CDYL2: variants seen among roughly 807,000 people sequenced by gnomAD.
CDYL2 encodes chromodomain Y-like protein 2.
CDYL2 carries 23 observed loss-of-function variants against 49.4 expected under a neutral mutation model. That is an observed-to-expected ratio of 0.47 (90% confidence interval 0.34 to 0.66). The LOEUF is 0.66. Among genes scored for constraint, CDYL2 ranks in the 30% least tolerant of loss-of-function variants. CDYL2 has a pLI of 0.01. For missense variants in CDYL2, 678 were observed against 656.4 expected, an observed-to-expected ratio of 1.03 and a Z score of -0.36; for synonymous variants, 360 against 268.8, an observed-to-expected ratio of 1.34 and a Z score of -3.32.
At chr16:80,732,297 G>C (rs901365059) in intron 1 of CDYL2, among the ~76,000 whole-genome samples, 1 of 151,612 alleles carries the variant, frequency 6.6e-6, no homozygotes, top group Admixed American at 6.6e-5. Context: ...ACAGTTTTCT[G>C]TCTTAGTGGG....
chr16:80,660,422 G>C (rs1239958324), intron 2 of CDYL2, among the ~76,000 whole-genome samples: 2 of 151,930 alleles, frequency 1.3e-5, no homozygotes, highest in African/African-American at 4.8e-5. Context: ...GTTAGAAAAA[G>C]ATCATACTTT....
chr16:80,794,638 T>C (rs1229776481), intron 1 of CDYL2, among the ~76,000 whole-genome samples: 2 of 138,166 alleles, frequency 1.4e-5, no homozygotes, highest in African/African-American at 2.8e-5. Flanking sequence ...TGGGACAGAG[T>C]TCTGCTCTTG....
At chr16:80,798,229 G>C (rs1907825506) in intron 1 of CDYL2, among the ~76,000 whole-genome samples, 1 of 152,158 alleles carries the variant, frequency 6.6e-6, no homozygotes, top group Admixed American at 6.5e-5. Context: ...TTTTAGTAGA[G>C]ATGGGGTTTC....
Position 80,721,782 on chromosome 16 carries a change from A to G in CDYL2, c.25-36653T>C, listed in dbSNP as rs536320903. On this transcript the variant is annotated intron_variant, in intron 1 of 6. Coordinates refer to ENST00000570137, the MANE Select transcript of CDYL2 (RefSeq NM_152342.4). Reference sequence around the variant, plus strand: ...TGACCACAGGGAAGACAGAAGATACAGCTGCTCTGTCCCCTCCCCGGTGAC... The same window carrying G: ...TGACCACAGGGAAGACAGAAGATACGGCTGCTCTGTCCCCTCCCCGGTGAC... Among the ~76,000 whole-genome samples the G allele has an allele frequency of 2.6e-5, 4 of 152,348 alleles. No homozygotes were observed. In the East Asian group the frequency reaches 7.7e-4, roughly 29 times the overall value.
rs73592253 is a variant in CDYL2 at position 80,633,343 on chromosome 16, G to C, written c.617-107C>G. The C allele has an allele frequency of 0.015, 17,064 of 1,106,856 alleles. 1,339 individuals are homozygous for C. The African/African-American group carries it at 0.2, about 13-fold the overall frequency. The allele number at this position is 1,106,856 out of a possible 1,614,324, so 68.6% of individuals were successfully genotyped here. On this transcript the variant is annotated intron_variant, in intron 2 of 6. Coordinates refer to ENST00000570137, the MANE Select transcript of CDYL2 (RefSeq NM_152342.4). ...CCAATGGAAAGGTTTGGATGTGCTG[G>C]GACACACCACCTTCTCCCCTGTGCC... is the stretch of plus-strand genomic sequence containing the variant.
intron 2 of CDYL2, among the ~76,000 whole-genome samples, chr16:80,653,366 G>C (rs1908669546): frequency 6.6e-6 from 1 of 152,166 alleles, no homozygotes; most frequent in Admixed American, 6.5e-5. Flanking sequence ...TTGGAAGTCT[G>C]AGGCAGGAGA....
intron 1 of CDYL2, among the ~76,000 whole-genome samples, chr16:80,712,191 G>GTATATATATATGTATATATATATA: frequency 1.9e-5 from 2 of 107,934 alleles, no homozygotes; most frequent in East Asian, 4.9e-4. Flanking sequence ...GTCTGTGTGT[G>GTATATATATATGTATATATATATA]TATATATATA....
At chr16:80,700,707 T>C (rs986516560) in intron 1 of CDYL2, among the ~76,000 whole-genome samples, 3 of 152,220 alleles carry the variant, frequency 2.0e-5, no homozygotes, top group Non-Finnish European at 4.4e-5. Context: ...TGTAAATGGA[T>C]ATACCCTTTA....
At chr16:80,741,398 G>T (rs1020502464) in intron 1 of CDYL2, among the ~76,000 whole-genome samples, 2 of 151,490 alleles carry the variant, frequency 1.3e-5, no homozygotes, top group African/African-American at 2.4e-5. Flanking sequence ...CAAGGTCTAG[G>T]CTTACAGAAA....
intron 1 of CDYL2, among the ~76,000 whole-genome samples, chr16:80,787,710 G>C (rs1010590930): frequency 6.6e-6 from 1 of 152,106 alleles, no homozygotes; most frequent in African/African-American, 2.4e-5. Flanking sequence ...ATTACCATCA[G>C]TGTTTTACTG....
chr16:80,683,167 C>G (rs781653619), intron 2 of CDYL2, among the ~76,000 whole-genome samples: 2 of 152,224 alleles, frequency 1.3e-5, no homozygotes, highest in Admixed American at 6.5e-5. Flanking sequence ...TCCAAGCATC[C>G]CGGTCTCCAC....
chr16:80,787,381 G>A (rs1420914536), intron 1 of CDYL2, among the ~76,000 whole-genome samples: 1 of 152,120 alleles, frequency 6.6e-6, no homozygotes, highest in East Asian at 1.9e-4. Context: ...TGCCAAAATG[G>A]AAGAGACTGC....
intron 2 of CDYL2, among the ~76,000 whole-genome samples, chr16:80,654,565 C>G (rs1908724182): frequency 6.6e-6 from 1 of 152,168 alleles, no homozygotes; most frequent in South Asian, 2.1e-4. Flanking sequence ...CAGGAATTGC[C>G]CCTCTGCATA....
At position 80,766,276 on chromosome 16, in the gene CDYL2, T is replaced by C. The variant is rs145730580; in HGVS notation, c.24+37874A>G. Among the ~76,000 whole-genome samples the C allele has an allele frequency of 4.4e-4, 67 of 152,016 alleles. No homozygotes were observed. The Middle Eastern group carries it at 0.01, about 23-fold the overall frequency. Reference sequence around the variant, plus strand: ...TGTGAATCACATCTCAATACAACTTTTATTGACAAAAAAAAAGAGAAGGTT... The same window carrying C: ...TGTGAATCACATCTCAATACAACTTCTATTGACAAAAAAAAAGAGAAGGTT... On this transcript the variant is annotated intron_variant, in intron 1 of 6. Transcript: ENST00000570137.
chr16:80,608,453 G>T (rs1471631423), intron 5 of CDYL2, among the ~76,000 whole-genome samples: 1 of 152,158 alleles, frequency 6.6e-6, no homozygotes, highest in African/African-American at 2.4e-5. Context: ...TTCCCCAAAG[G>T]AGCTGTGTAT....
At chr16:80,732,859 C>G (rs1905378458) in intron 1 of CDYL2, among the ~76,000 whole-genome samples, 1 of 135,332 alleles carries the variant, frequency 7.4e-6, no homozygotes, top group African/African-American at 2.4e-5. Flanking sequence ...TATAACCTCT[C>G]TAAACAAGGG....
At chr16:80,777,580 T>C (rs116254244) in intron 1 of CDYL2, among the ~76,000 whole-genome samples, 1,820 of 152,244 alleles carry the variant, frequency 0.012, 37 homozygotes, top group African/African-American at 0.042. Context: ...AAATACATTT[T>C]GTACATTTTC....
At chr16:80,783,659 A>G (rs888876040) in intron 1 of CDYL2, among the ~76,000 whole-genome samples, 9 of 152,338 alleles carry the variant, frequency 5.9e-5, no homozygotes, top group Admixed American at 2.0e-4. Context: ...TTCAGCCATA[A>G]AAAGGAGTAT....
intron 1 of CDYL2, among the ~76,000 whole-genome samples, chr16:80,802,735 C>T (rs1907963847): frequency 1.3e-5 from 2 of 152,202 alleles, no homozygotes; most frequent in East Asian, 1.9e-4. Flanking sequence ...CACAGGAGAC[C>T]TGTGCTCCTT....
Sources: allele counts gnomAD v4.1 joint callset (sites outside exome capture counted in the v4.1 genomes callset), GRCh38; gene constraint gnomAD v4.1.1; transcripts MANE v1.5; gene names NCBI Gene and HGNC (gene_info 2026-07-23, HGNC 2026-07-21).